TENM4: variants seen among roughly 807,000 people sequenced by gnomAD.
TENM4 encodes teneurin-4.
In TENM4, 82 loss-of-function variants were observed where a neutral mutation model predicts 243.3. That is an observed-to-expected ratio of 0.34 (90% CI 0.28 to 0.40). TENM4 has a LOEUF of 0.40. Ranked by LOEUF, TENM4 falls within the 10% of genes least tolerant of loss-of-function variation. The probability of loss-of-function intolerance (pLI) is 1.00; values close to 1 mark genes in which losing one functional copy is unlikely to be tolerated. For missense variants in TENM4, 3,138 were observed against 3,673.3 expected (o/e 0.85, Z 3.77); for synonymous variants, 1,412 against 1,456.3 (o/e 0.97, Z 0.69).
intron 1 of TENM4, among the ~76,000 whole-genome samples, chr11:79,418,644 T>C (rs1858868259): frequency 6.6e-6 from 1 of 152,248 alleles, no homozygotes; most frequent in Non-Finnish European, 1.5e-5. Context: ...TCCTCTCTGG[T>C]CACCCTGGTG....
chr11:79,006,378 G>A (rs537682373), intron 6 of TENM4, among the ~76,000 whole-genome samples: 1 of 152,236 alleles, frequency 6.6e-6, no homozygotes, highest in African/African-American at 2.4e-5. Context: ...CACATAATAG[G>A]ATAGCTATGA....
chr11:78,812,433 C>T (rs762061363), intron 13 of TENM4, 117 bp from the exon 14 acceptor site: 8 of 1,184,116 alleles, frequency 6.8e-6, no homozygotes, highest in South Asian at 4.5e-5. Flanking sequence ...TGCTCTGCCA[C>T]AAACACCCAT....
chr11:78,963,004 G>C (rs1036676635), intron 6 of TENM4, among the ~76,000 whole-genome samples: 1 of 152,204 alleles, frequency 6.6e-6, no homozygotes, highest in Non-Finnish European at 1.5e-5. Flanking sequence ...CTAAAAGCAA[G>C]ACCCTTAGGA....
At chr11:78,782,364 G>A (rs572170569) in intron 16 of TENM4, among the ~76,000 whole-genome samples, 163 of 152,258 alleles carry the variant, frequency 1.1e-3, no homozygotes, top group African/African-American at 3.8e-3. Context: ...TTGGGAGGCC[G>A]AGGCAGGTGG....
rs751342249 is a variant in TENM4 at position 78,786,935 on chromosome 11, C to G, written c.2328G>C (p.Glu776Asp). 6.2e-7 allele frequency: 1 copy of G among 1,608,558 alleles called. No homozygotes were observed. The highest frequency in any genetic ancestry group is 8.5e-7 in the Non-Finnish European group (1 of 1,177,862). ...EHGTCRDGKCECSPGWNGEHC... is the reference protein window; with the variant it reads ...EHGTCRDGKCDCSPGWNGEHC... ...GTTCGCCATTCCAGCCAGGGCTGCA[C>G]TCGCACTTGCCGTCGCGGCAGGTCC... Residue 776 changes from glutamate (E) to aspartate (D), a missense_variant, in exon 16 of 34, where the codon GAG becomes GAC. Glu to Asp is a conservative substitution (Grantham distance 45). This residue lies in a region of TENM4 where 2,467 missense variants were observed against 3,059.1 expected (regional missense o/e 0.81). Coordinates refer to ENST00000278550, the MANE Select transcript of TENM4 (RefSeq NM_001098816.3).
intron 2 of TENM4, among the ~76,000 whole-genome samples, chr11:79,262,299 T>G (rs894277902): frequency 6.6e-6 from 1 of 152,200 alleles, no homozygotes; most frequent in Non-Finnish European, 1.5e-5. Flanking sequence ...GTGCACAGTT[T>G]ATGGGTGCTT....
chr11:79,194,542 C>G (rs566611733), intron 3 of TENM4, among the ~76,000 whole-genome samples: 1 of 152,176 alleles, frequency 6.6e-6, no homozygotes, highest in Non-Finnish European at 1.5e-5. Context: ...GGAACTGGAG[C>G]AAAGGTGACT....
rs370572793 is a variant in TENM4 at position 78,670,277 on chromosome 11, G to A, written c.6068C>T (p.Thr2023Met). 39 of 1,613,814 alleles carry A rather than the reference G, an allele frequency of 2.4e-5. No individual in the cohort carries two copies. The highest frequency in any genetic ancestry group is 6.7e-5 in the African/African-American group (5 of 74,908). The change falls in exon 32 of 34, where the codon ACG becomes ATG. Residue 2023 changes from threonine to methionine, a missense_variant. Thr to Met is a moderately conservative substitution (Grantham distance 81, BLOSUM62 -1). Around this residue, in one of 2 missense-constraint regions of TENM4, gnomAD observed 2,467 missense variants for 3,059.1 expected, o/e 0.81. Coordinates refer to ENST00000278550, the MANE Select transcript of TENM4 (RefSeq NM_001098816.3). ...ACTGACCTTGGTGGTGTCATAGAGCGTCTCTGCCAGCTTTGACAGTTTGCC... is the reference window on the plus strand; with the variant it reads ...ACTGACCTTGGTGGTGTCATAGAGCATCTCTGCCAGCTTTGACAGTTTGCC... ...KYGKLSKLAE[T>M]LYDTTKVSFT... is the part of the protein sequence containing the mutation.
intron 6 of TENM4, among the ~76,000 whole-genome samples, chr11:78,949,776 A>G (rs1419603256): frequency 1.3e-5 from 2 of 152,124 alleles, no homozygotes; most frequent in Non-Finnish European, 2.9e-5. Context: ...GCTGGGAAAA[A>G]CAGCCTGGTC....
At chr11:79,431,916 AT>A (rs879565982) in intron 1 of TENM4, among the ~76,000 whole-genome samples, 69 of 151,374 alleles carry the variant, frequency 4.6e-4, no homozygotes, top group Non-Finnish European at 8.3e-4. Context: ...GGATCCTTGC[AT>A]TTTTTTTTAA....
intron 6 of TENM4, among the ~76,000 whole-genome samples, chr11:79,039,277 T>C (rs10899580): frequency 0.65 from 98,738 of 151,836 alleles, 35,226 homozygotes; most frequent in Non-Finnish European, 0.83. Flanking sequence ...CCACTTGCCT[T>C]ACAGCCTCAA....
At chr11:79,338,570 C>T (rs1055766372) in intron 1 of TENM4, among the ~76,000 whole-genome samples, 1 of 152,204 alleles carries the variant, frequency 6.6e-6, no homozygotes, top group Admixed American at 6.5e-5. Context: ...GTTGACTTTA[C>T]ACTAATTGTA....
intron 2 of TENM4, among the ~76,000 whole-genome samples, chr11:79,226,030 T>C (rs1393677391): frequency 2.6e-5 from 4 of 152,198 alleles, no homozygotes; most frequent in Admixed American, 6.5e-5. Flanking sequence ...AGATCCCTCC[T>C]GTCTGGCTGC....
intron 4 of TENM4, among the ~76,000 whole-genome samples, chr11:79,104,740 T>C (rs1350747305): frequency 2.0e-5 from 3 of 152,148 alleles, no homozygotes; most frequent in Non-Finnish European, 4.4e-5. Context: ...GGTCAAAGAG[T>C]ATGTGATATT....
intron 5 of TENM4, among the ~76,000 whole-genome samples, chr11:79,067,265 C>G (rs1257397221): frequency 6.6e-6 from 1 of 152,180 alleles, no homozygotes; most frequent in African/African-American, 2.4e-5. Context: ...TCCGATTTTG[C>G]TCTCCTTCAA....
chr11:79,095,492 G>T (rs1591278795), intron 4 of TENM4, among the ~76,000 whole-genome samples: 2 of 152,318 alleles, frequency 1.3e-5, no homozygotes, highest in African/African-American at 4.8e-5. Context: ...AGTGATGAGA[G>T]GACACTGCAT....
chr11:78,875,534 C>T (rs1859248447), intron 9 of TENM4, among the ~76,000 whole-genome samples: 1 of 152,154 alleles, frequency 6.6e-6, no homozygotes, highest in Non-Finnish European at 1.5e-5. Context: ...GAGCTACTTG[C>T]ATCCTCTCAG....
intron 9 of TENM4, among the ~76,000 whole-genome samples, chr11:78,872,363 G>C (rs1428960452): frequency 6.6e-6 from 1 of 152,198 alleles, no homozygotes; most frequent in Non-Finnish European, 1.5e-5. Flanking sequence ...GGCCTCACTA[G>C]TGATGCAGTG....
At chr11:79,217,139 A>G (rs1387391776) in intron 2 of TENM4, among the ~76,000 whole-genome samples, 3 of 152,192 alleles carry the variant, frequency 2.0e-5, no homozygotes, top group Admixed American at 6.5e-5. Flanking sequence ...CCCGTACAAA[A>G]TAAAGGTTTT....
Sources: allele counts gnomAD v4.1 joint callset (sites outside exome capture counted in the v4.1 genomes callset), GRCh38; gene constraint gnomAD v4.1.1; regional missense constraint gnomAD v4.1.1; transcripts MANE v1.5; gene names NCBI Gene and HGNC (gene_info 2026-07-23, HGNC 2026-07-21).